SLC24A4: variants seen among roughly 807,000 people sequenced by gnomAD.
SLC24A4 encodes solute carrier family 24 member 4.
In SLC24A4, 53 loss-of-function variants were observed where a neutral mutation model predicts 79.0. That is an observed-to-expected ratio of 0.67 (90% confidence interval 0.54 to 0.84). The LOEUF is 0.84. Among genes scored for constraint, SLC24A4 ranks in the 40% least tolerant of loss-of-function variants. The pLI, the probability that SLC24A4 is intolerant of heterozygous loss-of-function variation, is 0.00. For synonymous variants in SLC24A4, 323 were observed against 323.8 expected (o/e 1.00, Z 0.03); for missense variants, 731 against 822.0 (o/e 0.89, Z 1.35).
chr14:92,452,696 ACAGCCAACCACAAGCC>A (rs1566778552), intron 10 of SLC24A4: 1 of 152,308 alleles, frequency 6.6e-6, no homozygotes, highest in Non-Finnish European at 1.5e-5. Flanking sequence ...TTCAAGCAAA[ACAGCCAACCACAAGCC>A]CAGCCCACCA....
chr14:92,392,047 C>T (rs751066414), intron 2 of SLC24A4, among the ~76,000 whole-genome samples: 1 of 152,166 alleles, frequency 6.6e-6, no homozygotes, highest in African/African-American at 2.4e-5. Flanking sequence ...TCACCACCAG[C>T]CCTGGTTGCT....
intron 2 of SLC24A4, among the ~76,000 whole-genome samples, chr14:92,387,458 T>G (rs1320345933): frequency 6.6e-6 from 1 of 152,204 alleles, no homozygotes; most frequent in African/African-American, 2.4e-5. Flanking sequence ...ATTACAGGCA[T>G]GAGCCACCAT....
intron 2 of SLC24A4, among the ~76,000 whole-genome samples, chr14:92,409,223 A>T (rs554814206): frequency 4.3e-4 from 66 of 152,196 alleles, no homozygotes; most frequent in South Asian, 3.7e-3. Flanking sequence ...TGATGTCACA[A>T]CTCCAGAGAG....
intron 3 of SLC24A4, among the ~76,000 whole-genome samples, chr14:92,436,048 A>C (rs1471419035): frequency 6.6e-6 from 1 of 152,220 alleles, no homozygotes; most frequent in Admixed American, 6.5e-5. Context: ...CAGCTCACCA[A>C]CTGTTTGTTT....
chr14:92,493,017 C>CACAGAG (rs1347742588), intron 16 of SLC24A4: 4 of 281,410 alleles, frequency 1.4e-5, no homozygotes, highest in South Asian at 8.1e-5. Flanking sequence ...CACACACACA[C>CACAGAG]AGAGAAAGAT....
chr14:92,349,001 C>T (rs182352253), intron 2 of SLC24A4, among the ~76,000 whole-genome samples: 174 of 152,010 alleles, frequency 1.1e-3, no homozygotes, highest in Non-Finnish European at 1.9e-3. Context: ...CACCAAGTCA[C>T]GCTGCAGGCT....
intron 2 of SLC24A4, among the ~76,000 whole-genome samples, chr14:92,409,454 A>G (rs150731724): frequency 2.0e-5 from 3 of 152,360 alleles, no homozygotes; most frequent in Admixed American, 6.5e-5. Context: ...GCAGCTGCTG[A>G]TGATGTTCTG....
chr14:92,336,715 G>A (rs894988437), intron 2 of SLC24A4, among the ~76,000 whole-genome samples: 4 of 152,298 alleles, frequency 2.6e-5, no homozygotes, highest in African/African-American at 4.8e-5. Context: ...GCCACCTGCC[G>A]CAAATACCAC....
At chr14:92,484,891 A>T in intron 13 of SLC24A4, 7 of 985,396 alleles carry the variant, frequency 7.1e-6, no homozygotes, top group Non-Finnish European at 8.4e-6. Flanking sequence ...AATAATACAC[A>T]GTTTGGCCAC....
intron 2 of SLC24A4, among the ~76,000 whole-genome samples, chr14:92,326,993 G>A (rs1011555922): frequency 2.0e-5 from 3 of 152,146 alleles, no homozygotes; most frequent in African/African-American, 7.2e-5. Context: ...GTCCCCACGT[G>A]TTAAATTGTC....
intron 2 of SLC24A4, among the ~76,000 whole-genome samples, chr14:92,343,163 A>T (rs1886262871): frequency 6.6e-6 from 1 of 152,200 alleles, no homozygotes; most frequent in Non-Finnish European, 1.5e-5. Context: ...CAATATTAGC[A>T]ACAAGTGACA....
At chr14:92,380,217 C>T (rs1227359261) in intron 2 of SLC24A4, among the ~76,000 whole-genome samples, 2 of 152,180 alleles carry the variant, frequency 1.3e-5, no homozygotes, top group African/African-American at 2.4e-5. Flanking sequence ...AGGTAGAGCA[C>T]CCACGTTCCC....
chr14:92,374,380 G>A (rs890299181), intron 2 of SLC24A4, among the ~76,000 whole-genome samples: 10 of 152,314 alleles, frequency 6.6e-5, no homozygotes, highest in Non-Finnish European at 1.2e-4. Flanking sequence ...CCAATCCAAC[G>A]TCATCTTGAA....
intron 2 of SLC24A4, among the ~76,000 whole-genome samples, chr14:92,362,830 T>C (rs1459478438): frequency 6.6e-6 from 1 of 152,188 alleles, no homozygotes; most frequent in Non-Finnish European, 1.5e-5. Context: ...GCAGAATGAA[T>C]GCGCAGAGAG....
chr14:92,393,200 G>T (rs900246572), intron 2 of SLC24A4, among the ~76,000 whole-genome samples: 58 of 152,244 alleles, frequency 3.8e-4, no homozygotes, highest in Non-Finnish European at 8.1e-4. Context: ...ACAAATTTCT[G>T]TTTGTAAATC....
intron 2 of SLC24A4, among the ~76,000 whole-genome samples, chr14:92,428,403 G>A (rs1010021946): frequency 4.6e-5 from 7 of 152,192 alleles, no homozygotes; most frequent in South Asian, 2.1e-4. Context: ...CACAGCCTGC[G>A]CACCCATATC....
chr14:92,342,398 T>TTATTTATTTA (rs984689718), intron 2 of SLC24A4, among the ~76,000 whole-genome samples: 1 of 151,738 alleles, frequency 6.6e-6, no homozygotes, highest in African/African-American at 2.4e-5. Flanking sequence ...ATTTATTTAT[T>TTATTTATTTA]TTGAGATGGA....
At chr14:92,473,484 G>A (rs776543741) in intron 12 of SLC24A4, among the ~76,000 whole-genome samples, 1 of 152,212 alleles carries the variant, frequency 6.6e-6, no homozygotes, top group Non-Finnish European at 1.5e-5. Context: ...AGCATGGATT[G>A]AAAAGCTCCT....
chr14:92,379,569 T>G (rs1454615416), intron 2 of SLC24A4, among the ~76,000 whole-genome samples: 1 of 151,996 alleles, frequency 6.6e-6, no homozygotes, highest in African/African-American at 2.4e-5. Context: ...CCTCCTCCTC[T>G]CTGGCGTCTC....
Sources: allele counts gnomAD v4.1 joint callset (sites outside exome capture counted in the v4.1 genomes callset), GRCh38; gene constraint gnomAD v4.1.1; transcripts MANE v1.5; gene names NCBI Gene and HGNC (gene_info 2026-07-23, HGNC 2026-07-21).